Variants in DOCK1 observed in about 807,000 individuals in gnomAD.
DOCK1 encodes the protein dedicator of cytokinesis protein 1.
In DOCK1, 138 loss-of-function variants were observed where a neutral mutation model predicts 262.7. That is an observed-to-expected ratio of 0.53 (90% CI 0.46 to 0.61). DOCK1 has a LOEUF of 0.61. Among genes scored for constraint, DOCK1 ranks in the 20% least tolerant of loss-of-function variants. DOCK1 has a pLI of 0.00. For synonymous variants in DOCK1, 866 were observed against 867.4 expected (o/e 1.00, Z 0.03); for missense variants, 1,908 against 2,370.7 (o/e 0.80, Z 4.05).
In DOCK1 at chr10:127,175,155, T is replaced by A; in HGVS notation, c.2847+47391T>A. 1.4e-6 allele frequency: 2 copies of A among 1,423,398 alleles called. No individual in the cohort carries two copies. The highest frequency in any genetic ancestry group is 1.9e-6 in the Non-Finnish European group (2 of 1,031,822). The allele number at this position is 1,423,398 out of a possible 1,614,324, so 88.2% of individuals were successfully genotyped here. A position where few individuals can be genotyped will look rare whatever the true frequency, so the allele number is the denominator to read the frequency against. ...ACAGACTTGGGTTTGGGGCTACAGA[T>A]GGACTCTGTGGTGATCAGCCTGCAT... is the stretch of plus-strand genomic sequence containing the variant. On this transcript the variant is annotated intron_variant, in intron 27 of 51. Transcript: ENST00000623213. The surrounding 1 kb of genome is among the most constrained non-coding windows in gnomAD (Gnocchi z 6.3).
chr10:126,925,446 C>T (rs2033619601), intron 1 of DOCK1, among the ~76,000 whole-genome samples: 1 of 152,312 alleles, frequency 6.6e-6, no homozygotes, highest in East Asian at 1.9e-4. Context: ...GGCAGTGGCA[C>T]GATCTCAGCT....
chr10:126,923,615 C>G (rs1360022443), intron 1 of DOCK1, among the ~76,000 whole-genome samples: 1 of 152,190 alleles, frequency 6.6e-6, no homozygotes, highest in Non-Finnish European at 1.5e-5. Context: ...CAGAGCAAGA[C>G]TCTGTTTCAA....
intron 46 of DOCK1, among the ~76,000 whole-genome samples, chr10:127,420,198 G>GTC (rs2068417220): frequency 1.3e-5 from 2 of 152,282 alleles, no homozygotes; most frequent in South Asian, 4.1e-4. Flanking sequence ...GGTGGTGTGC[G>GTC]TCCTCATCTG....
intron 35 of DOCK1, among the ~76,000 whole-genome samples, chr10:127,378,341 C>T (rs776824828): frequency 6.6e-6 from 1 of 152,116 alleles, no homozygotes; most frequent in Non-Finnish European, 1.5e-5. Flanking sequence ...GTTGGGGGGC[C>T]GGTCCCAATG....
At chr10:127,447,371 T>A in intron 50 of DOCK1, 23 bp from the exon 51 acceptor site, 1 of 1,606,156 alleles carries the variant, frequency 6.2e-7, no homozygotes, top group Non-Finnish European at 8.5e-7. Context: ...CGGGCTGATT[T>A]TAAATAGATC....
intron 35 of DOCK1, among the ~76,000 whole-genome samples, chr10:127,377,799 A>G (rs958104363): frequency 2.0e-5 from 3 of 151,538 alleles, no homozygotes; most frequent in Admixed American, 6.6e-5. Context: ...GGCTGAGGCA[A>G]CAGAATAGCT....
chr10:126,976,531 G>A (rs1170825376), intron 2 of DOCK1, among the ~76,000 whole-genome samples: 1 of 152,126 alleles, frequency 6.6e-6, no homozygotes, highest in Non-Finnish European at 1.5e-5. Flanking sequence ...CACCTTTTGA[G>A]AGAGGTGGAG....
At chr10:127,373,920 A>C in intron 34 of DOCK1, 54 bp downstream of exon 34, 1 of 1,560,840 alleles carries the variant, frequency 6.4e-7, no homozygotes, top group Non-Finnish European at 8.7e-7. Flanking sequence ...AGACAGAGAG[A>C]CCGTAATTAG....
At chr10:127,056,302 T>C (rs1053256497) in intron 22 of DOCK1, among the ~76,000 whole-genome samples, 3 of 152,216 alleles carry the variant, frequency 2.0e-5, no homozygotes, top group Non-Finnish European at 2.9e-5. Flanking sequence ...ACCCCTGGGC[T>C]CAAGCCATCC....
chr10:126,959,281 C>G (rs1177222550), intron 1 of DOCK1, among the ~76,000 whole-genome samples: 1 of 152,130 alleles, frequency 6.6e-6, no homozygotes, highest in Non-Finnish European at 1.5e-5. Flanking sequence ...AATAGAGATT[C>G]TTTACAGATA....
At chr10:127,018,536 G>A (rs2042179093) in intron 12 of DOCK1, 174 bp from the exon 13 acceptor site, 7 of 918,972 alleles carry the variant, frequency 7.6e-6, no homozygotes, top group Non-Finnish European at 1.1e-5. Flanking sequence ...GATGCATGGA[G>A]TCCCCACGAC....
At chr10:127,202,683 G>C (rs1001621718) in intron 27 of DOCK1, among the ~76,000 whole-genome samples, 1 of 152,302 alleles carries the variant, frequency 6.6e-6, no homozygotes, top group East Asian at 1.9e-4. Flanking sequence ...GCTCCGCTTC[G>C]GTTGTGCGCC....
intron 23 of DOCK1, among the ~76,000 whole-genome samples, chr10:127,066,973 C>A (rs1436125606): frequency 6.6e-6 from 1 of 152,236 alleles, no homozygotes; most frequent in East Asian, 1.9e-4. Flanking sequence ...CTGGCTATCC[C>A]GTGGTGTTTG....
chr10:126,963,473 G>A (rs1307113478), intron 1 of DOCK1, among the ~76,000 whole-genome samples: 2 of 151,842 alleles, frequency 1.3e-5, no homozygotes, highest in Non-Finnish European at 2.9e-5. Context: ...AAATATTAGA[G>A]ACAATACTTT....
chr10:126,980,198 T>C (rs1316531916), intron 3 of DOCK1, among the ~76,000 whole-genome samples: 2 of 151,886 alleles, frequency 1.3e-5, no homozygotes, highest in African/African-American at 4.8e-5. Flanking sequence ...TAAGTTAATG[T>C]TTTATTTTTT....
At chr10:127,192,612 G>T (rs973275687) in intron 27 of DOCK1, 12 of 152,188 alleles carry the variant, frequency 7.9e-5, no homozygotes, top group African/African-American at 2.4e-4. Context: ...TACAGTAGAG[G>T]GGTCTCTGAA....
At chr10:127,229,646 G>A (rs1590039210) in intron 27 of DOCK1, among the ~76,000 whole-genome samples, 1 of 152,120 alleles carries the variant, frequency 6.6e-6, no homozygotes, top group African/African-American at 2.4e-5. Context: ...GCACGCTTAG[G>A]CTGTTTCCCT....
At chr10:127,112,692 A>G (rs1297022639) in intron 25 of DOCK1, among the ~76,000 whole-genome samples, 2 of 152,198 alleles carry the variant, frequency 1.3e-5, no homozygotes, top group African/African-American at 4.8e-5. Flanking sequence ...TATGAATCCC[A>G]AATTATTGTG....
intron 27 of DOCK1, among the ~76,000 whole-genome samples, chr10:127,152,191 C>G (rs922251813): frequency 1.3e-5 from 2 of 152,172 alleles, no homozygotes; most frequent in Non-Finnish European, 2.9e-5. Context: ...GCCAGGTCAT[C>G]TACACTCTGC....
Sources: allele counts gnomAD v4.1 joint callset (sites outside exome capture counted in the v4.1 genomes callset), GRCh38; gene constraint gnomAD v4.1.1; non-coding constraint Gnocchi (gnomAD v3.1); transcripts MANE v1.5; gene names NCBI Gene and HGNC (gene_info 2026-07-23, HGNC 2026-07-21).